Variants in SPOCK3 observed in about 807,000 individuals in gnomAD.
SPOCK3 encodes the protein testican-3.
A neutral mutation model predicts 56.6 loss-of-function variants in SPOCK3; 30 were observed. The observed-to-expected ratio is 0.53, with a 90% CI of 0.40 to 0.72. The LOEUF (loss-of-function observed/expected upper bound fraction) is 0.72, where lower values mean the gene tolerates loss of function less well. Among genes scored for constraint, SPOCK3 ranks in the 30% least tolerant of loss-of-function variants. SPOCK3 has a pLI of 0.00. For synonymous variants in SPOCK3, 196 were observed against 183.3 expected (o/e 1.07, Z -0.56); for missense variants, 527 against 530.0 (o/e 0.99, Z 0.06).
intron 4 of SPOCK3, among the ~76,000 whole-genome samples, chr4:166,957,609 C>T (rs192111439): frequency 6.6e-6 from 1 of 152,300 alleles, no homozygotes; most frequent in East Asian, 1.9e-4. Context: ...CTTGTGTATG[C>T]ATCACTTACT....
At chr4:166,750,803 G>T (rs373065453) in intron 8 of SPOCK3, among the ~76,000 whole-genome samples, 2 of 152,252 alleles carry the variant, frequency 1.3e-5, no homozygotes, top group African/African-American at 4.8e-5. Context: ...ACAATACAAA[G>T]TATGTTTTCT....
chr4:167,094,420 C>G (rs568473586), intron 2 of SPOCK3, among the ~76,000 whole-genome samples: 1 of 151,638 alleles, frequency 6.6e-6, no homozygotes, highest in African/African-American at 2.4e-5. Context: ...AAGTATATAC[C>G]CTGGCAAAAT....
At chr4:166,939,946 T>A (rs905429394) in intron 4 of SPOCK3, among the ~76,000 whole-genome samples, 13 of 152,158 alleles carry the variant, frequency 8.5e-5, no homozygotes, top group Non-Finnish European at 1.5e-5. Context: ...GTTGAGTTAC[T>A]TTTTTCCAGG....
At chr4:166,886,251 A>G (rs1405532237) in intron 6 of SPOCK3, among the ~76,000 whole-genome samples, 1 of 152,120 alleles carries the variant, frequency 6.6e-6, no homozygotes, top group Non-Finnish European at 1.5e-5. Context: ...CTACTTTACA[A>G]ATAATACTTT....
intron 4 of SPOCK3, among the ~76,000 whole-genome samples, chr4:166,979,894 T>A (rs1486341742): frequency 6.6e-6 from 1 of 152,230 alleles, no homozygotes; most frequent in Non-Finnish European, 1.5e-5. Flanking sequence ...ATGAGCTTTT[T>A]AAATTTAACA....
chr4:167,192,399 G>A (rs1446261748), intron 2 of SPOCK3, among the ~76,000 whole-genome samples: 1 of 145,638 alleles, frequency 6.9e-6, no homozygotes, highest in African/African-American at 2.6e-5. Flanking sequence ...TTCACCTCAG[G>A]AAGCCATCTG....
chr4:166,910,308 C>G (rs1737128898), intron 5 of SPOCK3, among the ~76,000 whole-genome samples: 1 of 151,958 alleles, frequency 6.6e-6, no homozygotes, highest in African/African-American at 2.4e-5. Context: ...TGTAAAAAAG[C>G]ATTTGTTAAA....
chr4:166,938,051 C>G (rs541776861), intron 4 of SPOCK3, among the ~76,000 whole-genome samples: 1 of 151,920 alleles, frequency 6.6e-6, no homozygotes, highest in Non-Finnish European at 1.5e-5. Context: ...CTCAGCCTCC[C>G]AAAGTGCTGG....
In SPOCK3 at chr4:167,182,831, C is replaced by T. The variant is rs533933273; in HGVS notation, c.189+51154G>A. Among the ~76,000 whole-genome samples, 8 of 152,188 alleles carry T rather than the reference C, an allele frequency of 5.3e-5. No individual in the cohort carries two copies. The East Asian group carries it at 5.8e-4, about 11-fold the overall frequency. On this transcript the variant is annotated intron_variant, in intron 2 of 10. Transcript: ENST00000357545. ...GATTACAGGCGTGAGCCACTGTGCC[C>T]GTCCCATTTTCTTTCTTACTTATCT... is the stretch of plus-strand genomic sequence containing the variant.
At chr4:167,088,461 C>CTTTTT (rs538566191) in intron 2 of SPOCK3, among the ~76,000 whole-genome samples, 22 of 111,142 alleles carry the variant, frequency 2.0e-4, no homozygotes, top group Non-Finnish European at 2.5e-4. Context: ...CCTATGAAAA[C>CTTTTT]TTTTTTTTTT....
At chr4:167,051,813 C>T (rs1002788555) in intron 3 of SPOCK3, among the ~76,000 whole-genome samples, 9 of 152,326 alleles carry the variant, frequency 5.9e-5, no homozygotes, top group Non-Finnish European at 1.2e-4. Flanking sequence ...GATTGTGTGT[C>T]TTCAGTTAAA....
At chr4:166,944,875 T>A (rs553396048) in intron 4 of SPOCK3, among the ~76,000 whole-genome samples, 19 of 152,324 alleles carry the variant, frequency 1.2e-4, no homozygotes, top group African/African-American at 4.6e-4. Context: ...TATGTAAATA[T>A]CCCATTTCTC....
intron 2 of SPOCK3, among the ~76,000 whole-genome samples, chr4:167,160,966 T>C (rs140122941): frequency 0.085 from 12,860 of 152,134 alleles, 731 homozygotes; most frequent in Middle Eastern, 0.16. Flanking sequence ...GGCAATACCA[T>C]TCAGGACATA....
chr4:167,170,248 C>T (rs1411029292), intron 2 of SPOCK3, among the ~76,000 whole-genome samples: 1 of 152,018 alleles, frequency 6.6e-6, no homozygotes, highest in Non-Finnish European at 1.5e-5. Context: ...TTGATTTGTT[C>T]TATATAAAAT....
rs752059001 is a variant in SPOCK3, at chr4:166,947,965, T to A, written c.351-35222A>T. On this transcript the variant is annotated intron_variant, in intron 4 of 10. Transcript: ENST00000357545. ...TGGGTATTACAACACCAGAACTTATTTCTCCCAACTAACTGTAACTTTGTA... is the reference window on the plus strand; with the variant it reads ...TGGGTATTACAACACCAGAACTTATATCTCCCAACTAACTGTAACTTTGTA... 2.6e-5 allele frequency among the ~76,000 whole-genome samples: 4 copies of A among 152,152 alleles called. No homozygotes were observed. In the South Asian group the frequency reaches 8.3e-4, roughly 31 times the overall value.
chr4:166,975,099 G>A (rs1745798183), intron 4 of SPOCK3, among the ~76,000 whole-genome samples: 1 of 152,116 alleles, frequency 6.6e-6, no homozygotes, highest in South Asian at 2.1e-4. Flanking sequence ...GTCCATGTTA[G>A]GGTACAGCAT....
intron 2 of SPOCK3, among the ~76,000 whole-genome samples, chr4:167,182,409 CAAA>C (rs35047060): frequency 0.057 from 7,699 of 135,460 alleles, 214 homozygotes; most frequent in Admixed American, 0.086. Flanking sequence ...AAAAGAAAGA[CAAA>C]AAAAAAAAAA....
intron 6 of SPOCK3, among the ~76,000 whole-genome samples, chr4:166,865,181 C>T (rs7679164): frequency 0.037 from 5,570 of 152,158 alleles, 346 homozygotes; most frequent in African/African-American, 0.13. Flanking sequence ...TGACAAAAAC[C>T]ACATGATTAT....
At chr4:166,860,571 C>G (rs1579452080) in intron 6 of SPOCK3, among the ~76,000 whole-genome samples, 1 of 151,462 alleles carries the variant, frequency 6.6e-6, no homozygotes, top group African/African-American at 2.4e-5. Context: ...TAAAGGAGTG[C>G]AAGCAAAATC....
Sources: gnomAD v4.1 joint callset for allele counts (sites outside exome capture counted in the v4.1 genomes callset) on GRCh38, gnomAD v4.1.1 for gene constraint, MANE v1.5 for transcripts, NCBI Gene and HGNC (gene_info 2026-07-23, HGNC 2026-07-21) for gene names.